The following SIRT1 variants were observed in gnomAD, a reference collection of about 807,000 sequenced individuals.
SIRT1 encodes the protein NAD-dependent protein deacetylase sirtuin-1.
Under a neutral mutation model 67.9 loss-of-function variants are expected in SIRT1, and 24 were observed. The ratio of observed to expected loss-of-function variants is 0.35; its 90% CI spans 0.26 to 0.50. The LOEUF is 0.50. SIRT1 is among the 20% of genes least tolerant of loss of function. The pLI, the probability that SIRT1 is intolerant of heterozygous loss-of-function variation, is 0.98. For missense variants in SIRT1, 873 were observed against 937.2 expected (o/e 0.93, Z 0.89); for synonymous variants, 378 against 350.7 (o/e 1.08, Z -0.87).
chr10:67,887,750 A>G (rs1842508462), intron 2 of SIRT1, among the ~76,000 whole-genome samples: 1 of 152,020 alleles, frequency 6.6e-6, no homozygotes, highest in Non-Finnish European at 1.5e-5. Context: ...CTAATTTTGA[A>G]TTTTTAGTAG....
intron 3 of SIRT1, 88 bp from the exon 4 acceptor site, chr10:67,891,314 C>A: frequency 8.2e-7 from 1 of 1,219,424 alleles, no homozygotes; most frequent in Non-Finnish European, 1.2e-6. Flanking sequence ...TCTTTCTCAA[C>A]TCTTACCTAA....
At chr10:67,912,007 G>A (rs530288895) in intron 7 of SIRT1, among the ~76,000 whole-genome samples, 20 of 152,130 alleles carry the variant, frequency 1.3e-4, no homozygotes, top group African/African-American at 3.6e-4. Context: ...CAGGTGATCC[G>A]CCTGCCTCGG....
At chr10:67,907,949 C>G in intron 5 of SIRT1, 97 bp from the exon 6 acceptor site, 1 of 1,027,930 alleles carries the variant, frequency 9.7e-7, no homozygotes, top group Non-Finnish European at 1.4e-6. Flanking sequence ...CTTAAACCCT[C>G]TTAACATTTG....
At chr10:67,895,877 G>A (rs1199407433) in intron 4 of SIRT1, among the ~76,000 whole-genome samples, 1 of 151,292 alleles carries the variant, frequency 6.6e-6, no homozygotes, top group African/African-American at 2.4e-5. Flanking sequence ...GAGTAGCTGG[G>A]ATTACAGGTG....
At chr10:67,907,955 A>G (rs1306856650) in intron 5 of SIRT1, 91 bp from the exon 6 acceptor site, 26 of 1,091,602 alleles carry the variant, frequency 2.4e-5, no homozygotes, top group African/African-American at 3.2e-5. Context: ...CCCTCTTAAC[A>G]TTTGTGATGT....
chr10:67,887,282 C>T (rs1842498242), intron 1 of SIRT1, 135 bp from the exon 2 acceptor site: 1 of 628,750 alleles, frequency 1.6e-6, no homozygotes. Flanking sequence ...TGCAAGCTGA[C>T]CCCATAGGCA....
In SIRT1 at chr10:67,916,287, A is replaced by C. The variant is rs200718475; in HGVS notation, c.1938A>C (p.Pro646=). ...RLDGNQYLFL[P]PNRYIFHGAE... ...CAGGTAATCAGTATCTGTTTTTGCCACCAAATCGTTACATTTTCCATGGCG... is the reference window on the plus strand; with the variant it reads ...CAGGTAATCAGTATCTGTTTTTGCCCCCAAATCGTTACATTTTCCATGGCG... Residue 646 remains proline, a synonymous_variant, in exon 9 of 9, where the codon CCA becomes CCC. Transcript: ENST00000212015. 1.3e-6 allele frequency: 2 copies of C among 1,599,260 alleles called. No individual in the cohort carries two copies. Among genetic ancestry groups the C allele is most frequent in the South Asian group, 2.2e-5 (2 of 90,410 alleles).
At position 67,916,788 on chromosome 10, in the gene SIRT1, AACTTT is replaced by A; in HGVS notation, c.*196_*200del. On this transcript the variant is annotated 3_prime_UTR_variant, in exon 9 of 9. Transcript: ENST00000212015. ...TCTGTACTTGTACAAACTCAACACT[AACTTT>A]TTTTTTTTTAAAAAAAAAAAGGTAC... 5.4e-6 allele frequency: 2 copies of A among 372,568 alleles called. No individual in the cohort carries two copies. The highest frequency in any genetic ancestry group is 3.7e-5 in the East Asian group (1 of 27,388). 23.1% of individuals were successfully genotyped at this position (372,568 alleles called of 1,614,324 possible). A position where few individuals can be genotyped will look rare whatever the true frequency, so the allele number is the denominator to read the frequency against.
rs34780303 is a variant in SIRT1, at chr10:67,886,555, C to CA, written c.431-842dup. The stretch of plus-strand genomic sequence containing the variant: ...TGGGCAACAGAGTGAGACCCCGTCT[C>CA]AAAAAAAAAAAAAAAAAAAAGTAAT... On this transcript the variant is annotated intron_variant, in intron 1 of 8. Transcript: ENST00000212015. Among the ~76,000 whole-genome samples the CA allele has an allele frequency of 7.4e-3, 728 of 97,788 alleles. 5 individuals carry two copies. The highest frequency in any genetic ancestry group is 0.024 in the East Asian group (57 of 2,366). 64.2% of individuals were successfully genotyped at this position (97,788 alleles called of 152,430 possible). A position where few individuals can be genotyped will look rare whatever the true frequency, so the allele number is the denominator to read the frequency against.
At chr10:67,900,410 G>A (rs1842723675) in intron 4 of SIRT1, among the ~76,000 whole-genome samples, 1 of 152,130 alleles carries the variant, frequency 6.6e-6, no homozygotes, top group Non-Finnish European at 1.5e-5. Flanking sequence ...CTCCCAAAGT[G>A]CTGGGTTTAT....
intron 4 of SIRT1, 111 bp from the exon 5 acceptor site, chr10:67,906,679 T>C: frequency 9.1e-7 from 1 of 1,104,282 alleles, no homozygotes; most frequent in Admixed American, 2.6e-5. Context: ...TGCTCATCTA[T>C]TTCATTTTTA....
intron 5 of SIRT1, among the ~76,000 whole-genome samples, chr10:67,907,196 T>C (rs1842832486): frequency 6.6e-6 from 1 of 152,184 alleles, no homozygotes; most frequent in Non-Finnish European, 1.5e-5. Context: ...ATTCAATTAT[T>C]TTAAATAATC....
chr10:67,885,452 C>A lies in SIRT1; in HGVS notation c.430+301C>A, dbSNP rs142129215. ...AATAAGTTTCTCTCCCCCTCTTACT[C>A]TTTTAGCATATTGCTTTTGTTAGAG... On this transcript the variant is annotated intron_variant, in intron 1 of 8. Coordinates refer to ENST00000212015, the MANE Select transcript of SIRT1 (RefSeq NM_012238.5). The A allele has an allele frequency of 9.3e-4, 1,077 of 1,157,746 alleles. 14 individuals carry two copies. In the African/African-American group the frequency reaches 0.016, roughly 17 times the overall value. The allele number at this position is 1,157,746 out of a possible 1,614,324, so 71.7% of individuals were successfully genotyped here. A position where few individuals can be genotyped will look rare whatever the true frequency, so the allele number is the denominator to read the frequency against.
intron 4 of SIRT1, among the ~76,000 whole-genome samples, chr10:67,892,005 A>G (rs969873740): frequency 6.6e-6 from 1 of 152,202 alleles, no homozygotes; most frequent in South Asian, 2.1e-4. Context: ...CATTTTTGTC[A>G]GCAAATTGCA....
At position 67,908,107 on chromosome 10, in the gene SIRT1, A is replaced by G; in HGVS notation, c.1152A>G (p.Arg384=). Residue 384 remains arginine, a synonymous_variant, in exon 6 of 9, where the codon CGA becomes CGG. Coordinates refer to ENST00000212015, the MANE Select transcript of SIRT1 (RefSeq NM_012238.5). ...ACAAAGTTGACTGTGAAGCTGTACG[A>G]GGAGATATTTTTAATCAGGTAATTT... ...CKYKVDCEAV[R]GDIFNQVVPR... is the part of the protein sequence containing the mutation. The G allele has an allele frequency of 6.2e-7, 1 of 1,613,394 alleles. No individual in the cohort carries two copies. The highest frequency in any genetic ancestry group is 8.5e-7 in the Non-Finnish European group (1 of 1,179,666).
In SIRT1 at chr10:67,911,044, ACT is replaced by A. The variant is rs538728895; in HGVS notation, c.1358-1428_1358-1427del. On this transcript the variant is annotated intron_variant, in intron 7 of 8. Transcript: ENST00000212015. ...CCATATCTCGTGGCTTTAGCAGTTA[ACT>A]CAGTCTTACCTAATTAGCTGTGAAA... 2.2e-4 allele frequency among the ~76,000 whole-genome samples: 34 copies of A among 152,328 alleles called. No individual in the cohort carries two copies. The East Asian group carries it at 6.4e-3, about 28-fold the overall frequency.
chr10:67,886,925 G>A (rs1399293252), intron 1 of SIRT1, among the ~76,000 whole-genome samples: 1 of 151,156 alleles, frequency 6.6e-6, no homozygotes, highest in African/African-American at 2.4e-5. Context: ...AAGCTGGAGT[G>A]CAATGGCGTG....
rs1363137795 is a variant in SIRT1 at position 67,916,854 on chromosome 10, TTTC to T, written c.*264_*266del. ...CAATCAGCTGTTGGTCAAGACTAAC[TTTC>T]TTTTAAAGGTTCATTTGTATGATAA... On this transcript the variant is annotated 3_prime_UTR_variant, in exon 9 of 9. Transcript: ENST00000212015. 2 of 75,384 alleles carry T rather than the reference TTTC, an allele frequency of 2.7e-5. No homozygotes were observed. The highest frequency in any genetic ancestry group is 1.8e-4 in the East Asian group (2 of 10,854). 4.7% of individuals were successfully genotyped at this position (75,384 alleles called of 1,614,324 possible).
chr10:67,892,296 C>T (rs987399921), intron 4 of SIRT1, among the ~76,000 whole-genome samples: 2 of 152,042 alleles, frequency 1.3e-5, no homozygotes, highest in Admixed American at 6.6e-5. Context: ...TTGGGCTGTG[C>T]GTGTTGCCTC....
Sources: allele counts gnomAD v4.1 joint callset (sites outside exome capture counted in the v4.1 genomes callset), GRCh38; gene constraint gnomAD v4.1.1; transcripts MANE v1.5; gene names NCBI Gene and HGNC (gene_info 2026-07-23, HGNC 2026-07-21).